CLDN20: variants seen among roughly 807,000 people sequenced by gnomAD.
The protein encoded by CLDN20 is claudin 20, also known as claudin-20.
For synonymous variants in CLDN20, 104 were observed against 103.6 expected (o/e 1.00, Z -0.03); for missense variants, 258 against 267.9 (o/e 0.96, Z 0.26).
rs949833881 is a variant in CLDN20 at position 155,267,036 on chromosome 6, A to G, written c.-105+2748A>G. Among the ~76,000 whole-genome samples, 75 of 145,860 alleles carry G rather than the reference A, an allele frequency of 5.1e-4. 2 individuals are homozygous for G. Among genetic ancestry groups the G allele is most frequent in the Non-Finnish European group, 1.8e-4 (12 of 67,064 alleles). ...CCAGGCTGGAGTGCAGTGCAGTGGCATGATCTCGGCTCACTGCAACCTCCA... is the reference window on the plus strand; with the variant it reads ...CCAGGCTGGAGTGCAGTGCAGTGGCGTGATCTCGGCTCACTGCAACCTCCA... On this transcript the variant is annotated intron_variant, in intron 1 of 1. Transcript: ENST00000367165.
chr6:155,276,265 C>T lies in CLDN20; in HGVS notation c.546C>T (p.Cys182=), dbSNP rs199823828. 9 of 1,614,116 alleles carry T rather than the reference C, an allele frequency of 5.6e-6. No homozygotes were observed. The highest frequency in any genetic ancestry group is 4.5e-5 in the East Asian group (2 of 44,872). Residue 182 remains cysteine (C), a synonymous_variant, in exon 2 of 2, where the codon TGC becomes TGT. Coordinates refer to ENST00000367165, the MANE Select transcript of CLDN20 (RefSeq NM_001001346.3). ...MLLFISGMIF[C]TSCIKRNPEA... ...TGTTTATCTCTGGCATGATTTTCTG[C>T]ACCTCCTGTATAAAAAGGAATCCAG...
rs1229414941 is a variant in CLDN20, at chr6:155,275,902, G to T, written c.183G>T (p.Met61Ile). The T allele has an allele frequency of 2.5e-6, 4 of 1,614,146 alleles. No individual in the cohort carries two copies. In the South Asian group the frequency reaches 4.4e-5, roughly 18 times the overall value. ...ACTGTACGTGGTACAGCACTGGGATGTTCAGCTGTGCCCTGAAACACTCCA... is the reference window on the plus strand; with the variant it reads ...ACTGTACGTGGTACAGCACTGGGATTTTCAGCTGTGCCCTGAAACACTCCA... ...WMDCTWYSTG[M>I]FSCALKHSIL... Residue 61 changes from methionine (M) to isoleucine (I), a missense_variant, in exon 2 of 2, where the codon ATG becomes ATT. Physicochemically the swap from Met to Ile is conservative, Grantham distance 10 (BLOSUM62 1). Coordinates refer to ENST00000367165, the MANE Select transcript of CLDN20 (RefSeq NM_001001346.3).
intron 1 of CLDN20, among the ~76,000 whole-genome samples, chr6:155,269,181 T>C (rs1487623201): frequency 6.6e-6 from 1 of 151,790 alleles, no homozygotes; most frequent in Non-Finnish European, 1.5e-5. Flanking sequence ...CTTTTCTAAT[T>C]AGAGGTGGGG....
At position 155,275,828 on chromosome 6, in the gene CLDN20, G is replaced by C; in HGVS notation, c.109G>C (p.Asp37His). 1 of 1,614,098 alleles carries C rather than the reference G, an allele frequency of 6.2e-7. No homozygotes were observed. The highest frequency in any genetic ancestry group is 8.5e-7 in the Non-Finnish European group (1 of 1,180,006). Residue 37 changes from aspartate to histidine, a missense_variant, in exon 2 of 2, where the codon GAC (aspartate) becomes CAC (histidine). Physicochemically the swap from Asp to His is moderately conservative, Grantham distance 81 (BLOSUM62 -1). Transcript: ENST00000367165. Reference protein sequence around the residue: ...LPNWKVNVDVDSNIITAIVQL... With the variant: ...LPNWKVNVDVHSNIITAIVQL... Reference sequence around the variant, plus strand: ...CAACTGGAAGGTGAATGTGGATGTGGACTCCAACATCATAACAGCCATTGT... The same window carrying C: ...CAACTGGAAGGTGAATGTGGATGTGCACTCCAACATCATAACAGCCATTGT...
intron 1 of CLDN20, among the ~76,000 whole-genome samples, chr6:155,269,324 C>CTTTTTTTTTTT (rs60162262): frequency 1.6e-5 from 2 of 127,266 alleles, no homozygotes; most frequent in Non-Finnish European, 3.2e-5. Context: ...CTTTTCTTTT[C>CTTTTTTTTTTT]TTTTTTTTTT....
chr6:155,274,160 T>C (rs952033403), intron 1 of CLDN20, among the ~76,000 whole-genome samples: 6 of 152,254 alleles, frequency 3.9e-5, no homozygotes, highest in African/African-American at 1.4e-4. Flanking sequence ...CTCAAGAGCC[T>C]GTATCACCTT....
chr6:155,269,424 C>T (rs1428707017), intron 1 of CLDN20, among the ~76,000 whole-genome samples: 6 of 149,754 alleles, frequency 4.0e-5, no homozygotes, highest in South Asian at 4.2e-4. Flanking sequence ...TGGGTTCAAG[C>T]GATTCTCTTG....
chr6:155,275,947 C>T lies in CLDN20; in HGVS notation c.228C>T (p.His76=), dbSNP rs375435637. 43 of 1,614,062 alleles carry T rather than the reference C, an allele frequency of 2.7e-5. No individual in the cohort carries two copies. The Middle Eastern group carries it at 1.3e-3, about 49-fold the overall frequency. The change falls in exon 2 of 2, where the codon CAC becomes CAT. Residue 76 remains histidine, a synonymous_variant. Transcript: ENST00000367165. Reference sequence around the variant, plus strand: ...ACTCCATTCTGTCCCTCCCCATCCACGTGCAGGCTGCGAGAGCCACCATGG... The same window carrying T: ...ACTCCATTCTGTCCCTCCCCATCCATGTGCAGGCTGCGAGAGCCACCATGG... ...LKHSILSLPI[H]VQAARATMVL...
At position 155,275,717 on chromosome 6, in the gene CLDN20, A is replaced by G. The variant is rs1785159127; in HGVS notation, c.-3A>G. The G allele has an allele frequency of 6.2e-6, 10 of 1,611,092 alleles. No homozygotes were observed. Among genetic ancestry groups the G allele is most frequent in the Non-Finnish European group, 7.6e-6 (9 of 1,178,342 alleles). On this transcript the variant is annotated 5_prime_UTR_variant, in exon 2 of 2. Transcript: ENST00000367165. ...CTAAGAGGACAGACTTAACAGTAAC[A>G]TCATGGCCTCAGCAGGACTCCAGCT...
At chr6:155,273,108 G>A (rs749167309) in intron 1 of CLDN20, among the ~76,000 whole-genome samples, 2 of 152,204 alleles carry the variant, frequency 1.3e-5, no homozygotes, top group Non-Finnish European at 2.9e-5. Context: ...GCTGGAGTCC[G>A]AAATGCTAAA....
rs1011356953 is a variant in CLDN20, at chr6:155,275,621, G to C, written c.-99G>C. Reference sequence around the variant, plus strand: ...GTTTTGCCTTTTTTCCTTAGGCTTTGTTATTTGGTTCTCTACTGCACAGAA... The same window carrying C: ...GTTTTGCCTTTTTTCCTTAGGCTTTCTTATTTGGTTCTCTACTGCACAGAA... On this transcript the variant is annotated 5_prime_UTR_variant, in exon 2 of 2. Transcript: ENST00000367165. The C allele has an allele frequency of 8.1e-7, 1 of 1,230,030 alleles. No homozygotes were observed. The highest frequency in any genetic ancestry group is 1.1e-6 in the Non-Finnish European group (1 of 875,488). 76.2% of individuals were successfully genotyped at this position (1,230,030 alleles called of 1,614,324 possible).
intron 1 of CLDN20, among the ~76,000 whole-genome samples, chr6:155,268,811 C>T (rs112974423): frequency 0.019 from 2,921 of 150,748 alleles, 48 homozygotes; most frequent in African/African-American, 0.028. Context: ...ACAAACACTG[C>T]GGAAGGCCGC....
At chr6:155,268,862 T>C (rs1481109697) in intron 1 of CLDN20, among the ~76,000 whole-genome samples, 1 of 149,802 alleles carries the variant, frequency 6.7e-6, no homozygotes, top group Non-Finnish European at 1.5e-5. Flanking sequence ...TTTGTTCACT[T>C]GTTTATCTGC....
rs181298444 is a variant in CLDN20, at chr6:155,274,748, C to T, written c.-104-868C>T. ...ACTCAGACTTCTTTCCACTGCTGTCCTTCCTCCTCAAATGGTTCACTTGGG... is the reference window on the plus strand; with the variant it reads ...ACTCAGACTTCTTTCCACTGCTGTCTTTCCTCCTCAAATGGTTCACTTGGG... On this transcript the variant is annotated intron_variant, in intron 1 of 1. Transcript: ENST00000367165. Among the ~76,000 whole-genome samples, 320 of 152,340 alleles carry T rather than the reference C, an allele frequency of 2.1e-3. 1 individual carries two copies. The highest frequency in any genetic ancestry group is 3.9e-3 in the Non-Finnish European group (266 of 68,040).
At chr6:155,266,856 A>G (rs1784664590) in intron 1 of CLDN20, among the ~76,000 whole-genome samples, 1 of 150,948 alleles carries the variant, frequency 6.6e-6, no homozygotes, top group Non-Finnish European at 1.5e-5. Context: ...CAAAAAAAAA[A>G]AAAAAAAAAA....
chr6:155,266,642 C>T (rs62427163), intron 1 of CLDN20, among the ~76,000 whole-genome samples: 44,274 of 151,628 alleles, frequency 0.29, 7,207 homozygotes, highest in East Asian at 0.66. Context: ...GTCAGGAGAT[C>T]GAGACCATCC....
At chr6:155,273,521 G>A (rs1253070211) in intron 1 of CLDN20, among the ~76,000 whole-genome samples, 2 of 152,218 alleles carry the variant, frequency 1.3e-5, no homozygotes, top group Non-Finnish European at 2.9e-5. Context: ...CTGAAGCTGA[G>A]CCATGTGGCC....
chr6:155,270,551 A>ATTT (rs1784872361), intron 1 of CLDN20, among the ~76,000 whole-genome samples: 1 of 152,266 alleles, frequency 6.6e-6, no homozygotes, highest in African/African-American at 2.4e-5. Flanking sequence ...GGCAATTAAT[A>ATTT]TTTTATAGGA....
At chr6:155,265,868 C>G (rs1784613682) in intron 1 of CLDN20, among the ~76,000 whole-genome samples, 1 of 151,096 alleles carries the variant, frequency 6.6e-6, no homozygotes, top group Non-Finnish European at 1.5e-5. Flanking sequence ...GGCTGAGAAG[C>G]AAGGAGAGCC....
Sources: gnomAD v4.1 joint callset for allele counts (sites outside exome capture counted in the v4.1 genomes callset) on GRCh38, gnomAD v4.1.1 for gene constraint, MANE v1.5 for transcripts, NCBI Gene and HGNC (gene_info 2026-07-23, HGNC 2026-07-21) for gene names.